Variants in PKHD1L1 observed in about 807,000 individuals in gnomAD.
PKHD1L1 encodes the protein fibrocystin-L.
In PKHD1L1, 434 loss-of-function variants were observed where a neutral mutation model predicts 462.9. The observed-to-expected ratio is 0.94, with a 90% CI of 0.87 to 1.02. The LOEUF (loss-of-function observed/expected upper bound fraction) is 1.02. PKHD1L1 is among the 50% of genes least tolerant of loss of function. The probability of loss-of-function intolerance (pLI) is 0.00; values close to 1 mark genes in which losing one functional copy is unlikely to be tolerated. For missense variants in PKHD1L1, 5,202 were observed against 5,096.1 expected (o/e 1.02, Z -0.63); for synonymous variants, 1,781 against 1,750.0 (o/e 1.02, Z -0.44).
At chr8:109,489,722 G>A (rs756900265) in intron 59 of PKHD1L1, among the ~76,000 whole-genome samples, 3 of 151,750 alleles carry the variant, frequency 2.0e-5, no homozygotes, top group African/African-American at 4.8e-5. Flanking sequence ...GTATATATGC[G>A]TTATTAAAAT....
In PKHD1L1 at chr8:109,439,019, CT is replaced by C; in HGVS notation, c.3887del (p.Leu1296CysfsTer13). 1.2e-6 allele frequency: 2 copies of C among 1,613,590 alleles called. No individual in the cohort carries two copies. Among genetic ancestry groups the C allele is most frequent in the Non-Finnish European group, 1.7e-6 (2 of 1,179,656 alleles). On this transcript the variant is annotated frameshift_variant, in exon 32 of 78. Transcript: ENST00000378402. LOFTEE classifies it high-confidence loss of function. ...LHWNFTDIRCLLPKLSPGKHD... is the reference protein window; with the variant it reads ...LHWNFTDIRCXLPKLSPGKHD... Reference sequence around the variant, plus strand: ...CTGGAACTTCACAGATATTAGATGCCTTTTGCCCAAGTTGTCTCCTGGAAAA... The same window carrying C: ...CTGGAACTTCACAGATATTAGATGCCTTTGCCCAAGTTGTCTCCTGGAAAA...
At chr8:109,484,832 GA>G (rs1218302495) in intron 57 of PKHD1L1, among the ~76,000 whole-genome samples, 2 of 151,818 alleles carry the variant, frequency 1.3e-5, no homozygotes, top group Non-Finnish European at 2.9e-5. Flanking sequence ...TTAAAGTTAA[GA>G]AAATGCTCAG....
Position 109,442,946 on chromosome 8 carries a change from G to GGTCTTT in PKHD1L1, c.4394_4395insGTCTTT (p.Phe1467_Ser1468dup). On this transcript the variant is annotated inframe_insertion and splice_region_variant, in exon 36 of 78. Transcript: ENST00000378402. ...TACGTACAATCTCATTTTATGGCAG[G>GGTCTTT]TTCATTTTCTTACCAATTTACTTCT... is the stretch of plus-strand genomic sequence containing the variant. 1.2e-6 allele frequency: 2 copies of GGTCTTT among 1,611,370 alleles called. No homozygotes were observed. The highest frequency in any genetic ancestry group is 1.1e-5 in the South Asian group (1 of 90,870).
intron 12 of PKHD1L1, among the ~76,000 whole-genome samples, 169 bp from the exon 13 acceptor site, chr8:109,399,907 T>C (rs1042541994): frequency 6.6e-6 from 1 of 152,154 alleles, no homozygotes; most frequent in Non-Finnish European, 1.5e-5. Context: ...AATTACAGAC[T>C]GCCCTCTGGC....
chr8:109,477,345 T>C lies in PKHD1L1; in HGVS notation c.9038T>C (p.Val3013Ala). 1.5e-5 allele frequency: 24 copies of C among 1,613,434 alleles called. No individual in the cohort carries two copies. Among genetic ancestry groups the C allele is most frequent in the Non-Finnish European group, 1.9e-5 (23 of 1,179,618 alleles). The change falls in exon 53 of 78, where the codon GTA becomes GCA. Residue 3013 changes from valine (V) to alanine (A), a missense_variant. Physicochemically the swap from Val to Ala is moderately conservative, Grantham distance 64. This residue lies in a region of PKHD1L1 where 4,497 missense variants were observed against 4,336.8 expected (regional missense o/e 1.04). Transcript: ENST00000378402. ...YCCILQDCFP[V>A]HPPSRKPIPK... ...TGTATTCTCCAGGATTGCTTTCCTGTACATCCGCCATCAAGAAAACCAATT... is the reference window on the plus strand; with the variant it reads ...TGTATTCTCCAGGATTGCTTTCCTGCACATCCGCCATCAAGAAAACCAATT...
In PKHD1L1 at chr8:109,410,928, A is replaced by C. The variant is rs561099845; in HGVS notation, c.2085+950A>C. The stretch of plus-strand genomic sequence containing the variant: ...ATTTTTAGTAGAGACGGGGTTTCAC[A>C]ATGTTGGCCAGGATGGTCTCGATCT... On this transcript the variant is annotated intron_variant, in intron 19 of 77. Transcript: ENST00000378402. Among the ~76,000 whole-genome samples the C allele has an allele frequency of 2.0e-5, 3 of 150,638 alleles. No individual in the cohort carries two copies. In the South Asian group the frequency reaches 6.3e-4, roughly 32 times the overall value.
In PKHD1L1 at chr8:109,385,660, A is replaced by G. The variant is rs769617071; in HGVS notation, c.569+30A>G. ...TCTTTTGATGTGGAAATATATTCTT[A>G]TAACTCATAAATGAGAAGTAATATT... On this transcript the variant is annotated intron_variant, in intron 6 of 77. Transcript: ENST00000378402. 205 of 1,375,198 alleles carry G rather than the reference A, an allele frequency of 1.5e-4. 6 individuals are homozygous for G. The Admixed American group carries it at 3.3e-3, about 22-fold the overall frequency. The allele number at this position is 1,375,198 out of a possible 1,614,324, so 85.2% of individuals were successfully genotyped here. A position where few individuals can be genotyped will look rare whatever the true frequency, so the allele number is the denominator to read the frequency against.
chr8:109,388,779 T>C (rs1801870718), intron 7 of PKHD1L1, among the ~76,000 whole-genome samples: 1 of 152,158 alleles, frequency 6.6e-6, no homozygotes, highest in Non-Finnish European at 1.5e-5. Flanking sequence ...TGAAAAAAGA[T>C]GTTTTGAGCA....
chr8:109,397,623 G>A (rs1813047771), intron 11 of PKHD1L1, among the ~76,000 whole-genome samples: 1 of 152,180 alleles, frequency 6.6e-6, no homozygotes, highest in Non-Finnish European at 1.5e-5. Flanking sequence ...CCAGGAGGTG[G>A]AGGCTACGGT....
chr8:109,514,403 T>G (rs1368961326), intron 71 of PKHD1L1, among the ~76,000 whole-genome samples: 1 of 152,186 alleles, frequency 6.6e-6, no homozygotes, highest in East Asian at 1.9e-4. Flanking sequence ...GAATATAAGC[T>G]CAGAGAAGCC....
At chr8:109,481,614 T>A in intron 56 of PKHD1L1, 52 bp downstream of exon 56, 3 of 1,451,456 alleles carry the variant, frequency 2.1e-6, no homozygotes, top group Non-Finnish European at 2.7e-6. Context: ...GAATCTACTT[T>A]AAAATATATG....
At position 109,396,137 on chromosome 8, in the gene PKHD1L1, G is replaced by T; in HGVS notation, c.922G>T (p.Gly308Cys). The T allele has an allele frequency of 6.3e-7, 1 of 1,599,716 alleles. No homozygotes were observed. Among genetic ancestry groups the T allele is most frequent in the Non-Finnish European group, 8.5e-7 (1 of 1,171,882 alleles). The change falls in exon 11 of 78, where the codon GGT (glycine) becomes TGT (cysteine). Residue 308 changes from glycine (G) to cysteine (C), a missense_variant and splice_region_variant. Around this residue, in one of 3 missense-constraint regions of PKHD1L1, gnomAD observed 4,497 missense variants for 4,336.8 expected, o/e 1.04. Coordinates refer to ENST00000378402, the MANE Select transcript of PKHD1L1 (RefSeq NM_177531.6). ...TTTCCCCGTCAGAGTTCTAGTTGGA[G>T]GTATTTCTCATGGTTTTTGATATAT... ...TDFPVRVLVG[G>C]EPCDILNVTE...
chr8:109,436,861 T>C (rs994173073), intron 30 of PKHD1L1, among the ~76,000 whole-genome samples: 6 of 152,166 alleles, frequency 3.9e-5, no homozygotes, highest in East Asian at 1.9e-4. Context: ...ATGAAAAAAA[T>C]GAGTAGTCTA....
intron 11 of PKHD1L1, among the ~76,000 whole-genome samples, chr8:109,397,923 T>A (rs1271033873): frequency 6.6e-6 from 1 of 152,234 alleles, no homozygotes; most frequent in African/African-American, 2.4e-5. Flanking sequence ...ATTGTGCTTA[T>A]GTAAAAGTTA....
At position 109,522,805 on chromosome 8, in the gene PKHD1L1, C is replaced by T; in HGVS notation, c.12245C>T (p.Ser4082Leu). ...FPVHHVAFVSSLLVITQPVAA... is the reference protein window; with the variant it reads ...FPVHHVAFVSLLLVITQPVAA... ...GTTCATCACGTGGCCTTCGTGTCCT[C>T]ACTCTTAGTGATCACTCAGCCGGTG... is the stretch of plus-strand genomic sequence containing the variant. The change falls in exon 75 of 78, where the codon TCA becomes TTA. Residue 4082 changes from serine (S) to leucine (L), a missense_variant. Ser to Leu is a moderately radical substitution (Grantham distance 145). Transcript: ENST00000378402. 1 of 1,612,462 alleles carries T rather than the reference C, an allele frequency of 6.2e-7. No homozygotes were observed. Among genetic ancestry groups the T allele is most frequent in the Non-Finnish European group, 8.5e-7 (1 of 1,179,446 alleles).
Position 109,405,039 on chromosome 8 carries a change from G to A in PKHD1L1, c.1578G>A (p.Glu526=), listed in dbSNP as rs1477907074. Residue 526 remains glutamate, a synonymous_variant, in exon 16 of 78, where the codon GAG becomes GAA. Transcript: ENST00000378402. ...ENWETTNAIN[E]VQKIKVTSPC... ...GGGAAACAACTAATGCAATTAATGA[G>A]GTTCAGAAGATCAAGGTAACCAGCC... 2.0e-6 allele frequency: 3 copies of A among 1,533,426 alleles called. No individual in the cohort carries two copies. Among genetic ancestry groups the A allele is most frequent in the Non-Finnish European group, 2.6e-6 (3 of 1,133,598 alleles). 95.0% of individuals were successfully genotyped at this position (1,533,426 alleles called of 1,614,324 possible). A position where few individuals can be genotyped will look rare whatever the true frequency, so the allele number is the denominator to read the frequency against.
At chr8:109,511,601 A>T (rs1819986840) in intron 71 of PKHD1L1, among the ~76,000 whole-genome samples, 3 of 151,842 alleles carry the variant, frequency 2.0e-5, no homozygotes. Context: ...TCATTGTTGG[A>T]CATTTGGGTT....
At chr8:109,447,608 T>C (rs865830349) in intron 38 of PKHD1L1, among the ~76,000 whole-genome samples, 27 of 152,324 alleles carry the variant, frequency 1.8e-4, no homozygotes, top group African/African-American at 6.5e-4. Context: ...CTACAAGTCT[T>C]TAAATTAATT....
At position 109,510,906 on chromosome 8, in the gene PKHD1L1, T is replaced by G. The variant is rs757238126; in HGVS notation, c.11525T>G (p.Leu3842Arg). Reference sequence around the variant, plus strand: ...GGCACCAGTCCTCAGAATCTTCGACTGATGTTGCTTAATGTTGATCATAAC... The same window carrying G: ...GGCACCAGTCCTCAGAATCTTCGACGGATGTTGCTTAATGTTGATCATAAC... ...FTGTSPQNLR[L>R]MLLNVDHNKA... The change falls in exon 71 of 78, where the codon CTG (leucine) becomes CGG (arginine). Residue 3842 changes from leucine (L) to arginine (R), a missense_variant. Leu to Arg is a moderately radical substitution (Grantham distance 102, BLOSUM62 -2). Around this residue, in one of 3 missense-constraint regions of PKHD1L1, gnomAD observed 698 missense variants for 736.3 expected, o/e 0.95. Transcript: ENST00000378402. 1 of 1,613,148 alleles carries G rather than the reference T, an allele frequency of 6.2e-7. No homozygotes were observed. Among genetic ancestry groups the G allele is most frequent in the Non-Finnish European group, 8.5e-7 (1 of 1,179,380 alleles).
Sources: allele counts gnomAD v4.1 joint callset (sites outside exome capture counted in the v4.1 genomes callset), GRCh38; gene constraint gnomAD v4.1.1; regional missense constraint gnomAD v4.1.1; transcripts MANE v1.5; gene names NCBI Gene and HGNC (gene_info 2026-07-23, HGNC 2026-07-21).